STX3: variants seen among roughly 807,000 people sequenced by gnomAD.
STX3 encodes syntaxin 3.
Under a neutral mutation model 40.2 loss-of-function variants are expected in STX3, and 19 were observed. That is an observed-to-expected ratio of 0.47 (90% CI 0.33 to 0.69). The LOEUF is 0.69. Ranked by LOEUF, STX3 falls within the 30% of genes least tolerant of loss-of-function variation. STX3 has a pLI of 0.02. For missense variants in STX3, 364 were observed against 366.7 expected (o/e 0.99, Z 0.06); for synonymous variants, 122 against 132.2 (o/e 0.92, Z 0.53).
chr11:59,777,641 G>A (rs191029801), intron 2 of STX3, among the ~76,000 whole-genome samples: 137 of 152,320 alleles, frequency 9.0e-4, no homozygotes, highest in African/African-American at 3.0e-3. Flanking sequence ...TTTGGGGTTA[G>A]GGATGGTGCC....
intron 2 of STX3, among the ~76,000 whole-genome samples, chr11:59,774,430 C>A (rs555107237): frequency 2.0e-4 from 29 of 147,558 alleles, no homozygotes; most frequent in African/African-American, 7.0e-4. Flanking sequence ...CAGAGTGAGA[C>A]CTTGTCCCCT....
At chr11:59,775,952 G>A (rs1477142885) in intron 2 of STX3, among the ~76,000 whole-genome samples, 1 of 152,330 alleles carries the variant, frequency 6.6e-6, no homozygotes, top group Non-Finnish European at 1.5e-5. Context: ...GCCACTAACT[G>A]TGTGATCTTG....
chr11:59,760,569 A>G (rs1862978483), intron 1 of STX3, among the ~76,000 whole-genome samples: 1 of 152,226 alleles, frequency 6.6e-6, no homozygotes, highest in East Asian at 1.9e-4. Context: ...TTGTCACCAC[A>G]TCAATTACAA....
chr11:59,794,532 AT>A (rs1865407752), intron 8 of STX3, among the ~76,000 whole-genome samples: 1 of 152,114 alleles, frequency 6.6e-6, no homozygotes, highest in African/African-American at 2.4e-5. Flanking sequence ...CTCTGAGACC[AT>A]TTCTCAAGTC....
chr11:59,789,990 T>G (rs750557118), intron 4 of STX3, among the ~76,000 whole-genome samples: 3 of 152,172 alleles, frequency 2.0e-5, no homozygotes, highest in Non-Finnish European at 2.9e-5. Flanking sequence ...ATGCTATTGA[T>G]CAGAAGAGAA....
chr11:59,770,603 T>C (rs932386902), intron 1 of STX3, among the ~76,000 whole-genome samples: 2 of 152,100 alleles, frequency 1.3e-5, no homozygotes, highest in African/African-American at 4.8e-5. Context: ...TGATACTTGA[T>C]GAAGGGAACA....
intron 10 of STX3, 50 bp from the exon 11 acceptor site, chr11:59,800,805 T>A: frequency 2.0e-6 from 3 of 1,535,896 alleles, no homozygotes; most frequent in Non-Finnish European, 1.7e-6. Flanking sequence ...TCTGTTGCCC[T>A]TTGCCTTCTT....
At chr11:59,784,444 G>A (rs1170858565) in intron 2 of STX3, among the ~76,000 whole-genome samples, 1 of 152,182 alleles carries the variant, frequency 6.6e-6, no homozygotes, top group Admixed American at 6.5e-5. Flanking sequence ...TCTAAGAGGG[G>A]CCAGTAGATT....
rs889526437 is a variant in STX3 at position 59,804,641 on chromosome 11, G to A, written c.*3817G>A. On this transcript the variant is annotated 3_prime_UTR_variant, in exon 11 of 11. Coordinates refer to ENST00000337979, the MANE Select transcript of STX3 (RefSeq NM_004177.5). ...AAGTGCTTTTTCTATGGGTGGTGAT[G>A]GTGGAGTTCTAGCAACAGCCTCTTA... 3 of 152,180 alleles carry A rather than the reference G, an allele frequency of 2.0e-5. No homozygotes were observed. Among genetic ancestry groups the A allele is most frequent in the African/African-American group, 7.2e-5 (3 of 41,454 alleles). 9.4% of individuals were successfully genotyped at this position (152,180 alleles called of 1,614,324 possible).
At position 59,802,410 on chromosome 11, in the gene STX3, C is replaced by T. The variant is rs1214380337; in HGVS notation, c.*1586C>T. 2 of 985,698 alleles carry T rather than the reference C, an allele frequency of 2.0e-6. No individual in the cohort carries two copies. Among genetic ancestry groups the T allele is most frequent in the African/African-American group, 1.7e-5 (1 of 57,232 alleles). 61.1% of individuals were successfully genotyped at this position (985,698 alleles called of 1,614,324 possible). ...ATAGGGTAAGCACCCTTAATTCAGG[C>T]ACTGTCCATTAGCTTCCTTTGCAAA... On this transcript the variant is annotated 3_prime_UTR_variant, in exon 11 of 11. Coordinates refer to ENST00000337979, the MANE Select transcript of STX3 (RefSeq NM_004177.5).
At chr11:59,797,044 G>A (rs1412919906) in intron 9 of STX3, among the ~76,000 whole-genome samples, 1 of 152,152 alleles carries the variant, frequency 6.6e-6, no homozygotes, top group Admixed American at 6.5e-5. Context: ...CCAGGAGGTC[G>A]AGGCTGCAGT....
chr11:59,802,862 C>T lies in STX3; in HGVS notation c.*2038C>T. On this transcript the variant is annotated 3_prime_UTR_variant, in exon 11 of 11. Transcript: ENST00000337979. ...ATTTTTGAACATGGTTTAACTCCCA[C>T]AGAATGCAGTGTAACTATGTTTGTG... The T allele has an allele frequency of 1.0e-6, 1 of 985,410 alleles. No individual in the cohort carries two copies. Among genetic ancestry groups the T allele is most frequent in the Non-Finnish European group, 1.2e-6 (1 of 829,928 alleles). The allele number at this position is 985,410 out of a possible 1,614,324, so 61.0% of individuals were successfully genotyped here. A position where few individuals can be genotyped will look rare whatever the true frequency, so the allele number is the denominator to read the frequency against.
intron 4 of STX3, 66 bp downstream of exon 4, chr11:59,789,013 A>G: frequency 6.9e-7 from 1 of 1,444,790 alleles, no homozygotes; most frequent in Non-Finnish European, 9.5e-7. Context: ...CCTAGGGTCC[A>G]GCTTTCCGAA....
At chr11:59,760,933 G>A (rs1228509835) in intron 1 of STX3, among the ~76,000 whole-genome samples, 1 of 152,192 alleles carries the variant, frequency 6.6e-6, no homozygotes, top group African/African-American at 2.4e-5. Context: ...ACTCTGCATG[G>A]TAAGCCTGTA....
chr11:59,795,825 T>G (rs1865488367), intron 9 of STX3: 2 of 873,512 alleles, frequency 2.3e-6, no homozygotes, highest in Non-Finnish European at 3.6e-6. Flanking sequence ...TGTCGTAGCC[T>G]CATCAACCCC....
At chr11:59,755,340 G>A, upstream of STX3, 1 of 300,054 alleles carries the variant, frequency 3.3e-6, no homozygotes, top group East Asian at 5.8e-5. Context: ...CGGGTCCAGG[G>A]CGGATCAGCG....
chr11:59,780,710 T>G (rs1178759596), intron 2 of STX3, among the ~76,000 whole-genome samples: 1 of 152,210 alleles, frequency 6.6e-6, no homozygotes, highest in Non-Finnish European at 1.5e-5. Context: ...CTTCCTTCTC[T>G]TTCGCTCTGA....
At chr11:59,780,426 G>C (rs576849507) in intron 2 of STX3, among the ~76,000 whole-genome samples, 1 of 152,202 alleles carries the variant, frequency 6.6e-6, no homozygotes. Flanking sequence ...CCAGTACTGT[G>C]AGAAATATAT....
chr11:59,757,744 C>A (rs533939163), intron 1 of STX3, among the ~76,000 whole-genome samples: 9 of 149,136 alleles, frequency 6.0e-5, no homozygotes, highest in Non-Finnish European at 8.9e-5. Flanking sequence ...TGCTTCTTTG[C>A]GTCACTTCTC....
Sources: allele counts gnomAD v4.1 joint callset (sites outside exome capture counted in the v4.1 genomes callset), GRCh38; gene constraint gnomAD v4.1.1; transcripts MANE v1.5; gene names NCBI Gene and HGNC (gene_info 2026-07-23, HGNC 2026-07-21).